Variants in PCP4 observed in about 807,000 individuals in gnomAD.
PCP4 encodes the protein Purkinje cell protein 4.
Under a neutral mutation model 10.0 loss-of-function variants are expected in PCP4, and 8 were observed. That is an observed-to-expected ratio of 0.80 (90% confidence interval 0.47 to 1.45). The LOEUF is 1.45. Among genes scored for constraint, PCP4 ranks in the 40% most tolerant of loss-of-function variants. The pLI, the probability that PCP4 is intolerant of heterozygous loss-of-function variation, is 0.00. For missense variants in PCP4, 54 were observed against 74.4 expected, an observed-to-expected ratio of 0.73 and a Z score of 1.01; for synonymous variants, 21 against 23.0, an observed-to-expected ratio of 0.91 and a Z score of 0.24.
chr21:39,877,307 G>T (rs2087350944), intron 1 of PCP4, among the ~76,000 whole-genome samples: 1 of 152,078 alleles, frequency 6.6e-6, no homozygotes, highest in Non-Finnish European at 1.5e-5. Context: ...AGGGATTCCA[G>T]CTTCCACCCT....
chr21:39,903,475 C>T (rs112053223), intron 2 of PCP4, among the ~76,000 whole-genome samples: 2 of 152,146 alleles, frequency 1.3e-5, no homozygotes, highest in East Asian at 1.9e-4. Flanking sequence ...TGCACAAGCT[C>T]GGGCTCCATG....
At chr21:39,904,731 C>G (rs1326167352) in intron 2 of PCP4, among the ~76,000 whole-genome samples, 1 of 152,132 alleles carries the variant, frequency 6.6e-6, no homozygotes, top group Non-Finnish European at 1.5e-5. Flanking sequence ...GACAGAGCAG[C>G]CTGCGATTCA....
At chr21:39,881,632 G>A (rs1374321314) in intron 1 of PCP4, among the ~76,000 whole-genome samples, 7 of 152,076 alleles carry the variant, frequency 4.6e-5, no homozygotes, top group South Asian at 2.1e-4. Flanking sequence ...CATTTGTCCC[G>A]TTTTTTCCTA....
intron 1 of PCP4, among the ~76,000 whole-genome samples, chr21:39,868,493 G>C (rs550795131): frequency 1.3e-5 from 2 of 152,272 alleles, no homozygotes; most frequent in East Asian, 3.9e-4. Flanking sequence ...ATAAAACTTA[G>C]AAATGGGGTT....
At chr21:39,905,330 A>G (rs1257414175) in intron 2 of PCP4, among the ~76,000 whole-genome samples, 1 of 152,224 alleles carries the variant, frequency 6.6e-6, no homozygotes, top group Non-Finnish European at 1.5e-5. Flanking sequence ...AAACACTCTA[A>G]AGAGTTTCTA....
At chr21:39,885,294 G>T (rs1317694186) in intron 1 of PCP4, among the ~76,000 whole-genome samples, 3 of 152,204 alleles carry the variant, frequency 2.0e-5, no homozygotes, top group African/African-American at 4.8e-5. Flanking sequence ...GTAGTCCCAG[G>T]GGAGCCAGGG....
chr21:39,909,859 G>C (rs1395308264), intron 2 of PCP4, among the ~76,000 whole-genome samples: 1 of 149,756 alleles, frequency 6.7e-6, no homozygotes, highest in Non-Finnish European at 1.5e-5. Flanking sequence ...GCAATGGCGT[G>C]ACCTTGGCTC....
chr21:39,922,189 T>C (rs1002515063), intron 2 of PCP4, among the ~76,000 whole-genome samples: 2 of 152,216 alleles, frequency 1.3e-5, no homozygotes, highest in African/African-American at 4.8e-5. Context: ...TGTCTTCAAC[T>C]GGTAGTATAA....
intron 1 of PCP4, among the ~76,000 whole-genome samples, chr21:39,869,509 C>A (rs960484377): frequency 6.6e-6 from 1 of 152,158 alleles, no homozygotes; most frequent in Non-Finnish European, 1.5e-5. Flanking sequence ...TTCTGCCTCC[C>A]CTTGCTGCTC....
At chr21:39,920,479 A>G (rs1479709361) in intron 2 of PCP4, among the ~76,000 whole-genome samples, 1 of 151,316 alleles carries the variant, frequency 6.6e-6, no homozygotes, top group African/African-American at 2.4e-5. Context: ...GGCGTGTTGT[A>G]TGTGTGTGTG....
intron 2 of PCP4, among the ~76,000 whole-genome samples, chr21:39,920,396 G>T (rs1341021888): frequency 3.3e-5 from 5 of 150,460 alleles, no homozygotes; most frequent in South Asian, 4.2e-4. Context: ...TGTGTGCGTG[G>T]TGTGTTTGTG....
At chr21:39,895,226 T>C (rs1167492820) in intron 1 of PCP4, among the ~76,000 whole-genome samples, 1 of 152,214 alleles carries the variant, frequency 6.6e-6, no homozygotes, top group Admixed American at 6.5e-5. Flanking sequence ...CAACTACTCA[T>C]CCATTCATCT....
chr21:39,925,018 A>G (rs1435018601), intron 2 of PCP4, among the ~76,000 whole-genome samples: 1 of 152,078 alleles, frequency 6.6e-6, no homozygotes, highest in Non-Finnish European at 1.5e-5. Context: ...CTGTGTGCCT[A>G]TTGAGGTCTG....
Position 39,897,161 on chromosome 21 carries a change from G to T in PCP4, c.10-1315G>T, listed in dbSNP as rs559323429. 3.2e-4 allele frequency among the ~76,000 whole-genome samples: 48 copies of T among 152,082 alleles called. No individual in the cohort carries two copies. In the South Asian group the frequency reaches 0.01, roughly 32 times the overall value. On this transcript the variant is annotated intron_variant, in intron 1 of 2. Coordinates refer to ENST00000328619, the MANE Select transcript of PCP4 (RefSeq NM_006198.3). ...TCCCAGCACTTTGGGAGGCCGAGGC[G>T]GGTGGATCATGGGGTCACGAGTTCG... is the stretch of plus-strand genomic sequence containing the variant.
In PCP4 at chr21:39,906,671, C is replaced by A. The variant is rs1027375851; in HGVS notation, c.61+8144C>A. ...CTTTTTGAGATTGAGCAGTGGACAG[C>A]TTTAGATCAGCTGAAATAGAATTTC... On this transcript the variant is annotated intron_variant, in intron 2 of 2. Transcript: ENST00000328619. This position sits in a 1 kb window ranked among gnomAD's most constrained non-coding sequence, Gnocchi z 6.3. 2.0e-5 allele frequency among the ~76,000 whole-genome samples: 3 copies of A among 152,030 alleles called. No homozygotes were observed. Among genetic ancestry groups the A allele is most frequent in the South Asian group, 2.1e-4 (1 of 4,810 alleles).
At chr21:39,885,684 C>T (rs1401161573) in intron 1 of PCP4, among the ~76,000 whole-genome samples, 3 of 152,242 alleles carry the variant, frequency 2.0e-5, no homozygotes, top group African/African-American at 7.2e-5. Context: ...CCTGGGCATC[C>T]CCCAAAGCCA....
chr21:39,917,557 C>G (rs2087575165), intron 2 of PCP4, among the ~76,000 whole-genome samples: 2 of 152,138 alleles, frequency 1.3e-5, no homozygotes, highest in Admixed American at 6.5e-5. Context: ...TTGGGATGGC[C>G]CTCTACTCCT....
At chr21:39,873,438 A>G (rs1203065399) in intron 1 of PCP4, among the ~76,000 whole-genome samples, 1 of 152,188 alleles carries the variant, frequency 6.6e-6, no homozygotes, top group Non-Finnish European at 1.5e-5. Context: ...TGATATTTGA[A>G]TATTTAAATA....
chr21:39,880,136 ATATCTATATC>A (rs1013400411), intron 1 of PCP4, among the ~76,000 whole-genome samples: 44 of 66,162 alleles, frequency 6.7e-4, no homozygotes, highest in African/African-American at 2.6e-3. Context: ...ATCTGTATCT[ATATCTATATC>A]TATATCTATA....
Sources: gnomAD v4.1 joint callset for allele counts (sites outside exome capture counted in the v4.1 genomes callset) on GRCh38, gnomAD v4.1.1 for gene constraint, Gnocchi (gnomAD v3.1) non-coding constraint, MANE v1.5 for transcripts, NCBI Gene and HGNC (gene_info 2026-07-23, HGNC 2026-07-21) for gene names.